Variants in LRMDA observed in about 807,000 individuals in gnomAD.
LRMDA encodes leucine-rich melanocyte differentiation-associated protein.
Under a neutral mutation model 29.8 loss-of-function variants are expected in LRMDA, and 18 were observed. The observed-to-expected ratio is 0.60, with a 90% CI of 0.42 to 0.90. LRMDA has a LOEUF of 0.90. Among genes scored for constraint, LRMDA ranks in the 40% least tolerant of loss-of-function variants. LRMDA has a pLI of 0.00. For missense variants in LRMDA, 273 were observed against 273.9 expected (o/e 1.00, Z 0.02); for synonymous variants, 125 against 109.4 (o/e 1.14, Z -0.89).
At chr10:75,945,355 A>G (rs2132413900) in intron 2 of LRMDA, among the ~76,000 whole-genome samples, 1 of 152,278 alleles carries the variant, frequency 6.6e-6, no homozygotes, top group South Asian at 2.1e-4. Flanking sequence ...GATTTTGCAG[A>G]CTTTGTAGCC....
At chr10:76,075,574 A>G (rs1848943620) in intron 5 of LRMDA, among the ~76,000 whole-genome samples, 1 of 152,240 alleles carries the variant, frequency 6.6e-6, no homozygotes, top group Non-Finnish European at 1.5e-5. Flanking sequence ...AAGTCAGTGT[A>G]TTTGGTAAAC....
chr10:75,892,737 T>G (rs753849051), intron 2 of LRMDA, among the ~76,000 whole-genome samples: 2 of 152,140 alleles, frequency 1.3e-5, no homozygotes, highest in Non-Finnish European at 2.9e-5. Context: ...TCAGACAAAT[T>G]CCATGTCCCT....
intron 1 of LRMDA, among the ~76,000 whole-genome samples, chr10:75,434,182 T>C (rs1217268891): frequency 6.6e-6 from 1 of 152,220 alleles, no homozygotes; most frequent in African/African-American, 2.4e-5. Context: ...ACTGAAATCT[T>C]GCGCCCAAGA....
intron 2 of LRMDA, among the ~76,000 whole-genome samples, chr10:76,012,311 T>A (rs919395753): frequency 6.6e-6 from 1 of 152,170 alleles, no homozygotes; most frequent in African/African-American, 2.4e-5. Flanking sequence ...GAAGCCCATG[T>A]CAGGGCTATA....
intron 2 of LRMDA, among the ~76,000 whole-genome samples, chr10:76,032,450 A>T (rs1453510325): frequency 2.6e-5 from 4 of 152,218 alleles, no homozygotes; most frequent in Non-Finnish European, 5.9e-5. Flanking sequence ...CTTAACGAGG[A>T]TAGGGTTAAT....
At chr10:76,505,131 C>A (rs1842946263) in intron 6 of LRMDA, among the ~76,000 whole-genome samples, 2 of 151,286 alleles carry the variant, frequency 1.3e-5, no homozygotes, top group Admixed American at 6.6e-5. Flanking sequence ...TGGAAACAGG[C>A]TCCCTATGTC....
At chr10:75,682,461 C>T (rs1842034751) in intron 2 of LRMDA, among the ~76,000 whole-genome samples, 1 of 151,762 alleles carries the variant, frequency 6.6e-6, no homozygotes, top group Admixed American at 6.6e-5. Flanking sequence ...GACAGACACA[C>T]ACACACACTC....
chr10:76,340,065 T>C (rs117470290), intron 6 of LRMDA, among the ~76,000 whole-genome samples: 1,775 of 152,286 alleles, frequency 0.012, 27 homozygotes, highest in Non-Finnish European at 0.014. Context: ...ACAATAAGAC[T>C]TAGTAATGCA....
chr10:75,963,518 C>G (rs1447674590), intron 2 of LRMDA, among the ~76,000 whole-genome samples: 1 of 152,130 alleles, frequency 6.6e-6, no homozygotes, highest in African/African-American at 2.4e-5. Flanking sequence ...ACCAGGGGTC[C>G]TTGTTGTCAT....
At chr10:76,390,431 C>G (rs1037870906) in intron 6 of LRMDA, among the ~76,000 whole-genome samples, 1 of 148,236 alleles carries the variant, frequency 6.7e-6, no homozygotes, top group African/African-American at 2.5e-5. Flanking sequence ...TTCCATGATG[C>G]AACTAATGAA....
At chr10:76,362,558 T>C (rs897462933) in intron 6 of LRMDA, among the ~76,000 whole-genome samples, 1 of 152,222 alleles carries the variant, frequency 6.6e-6, no homozygotes, top group African/African-American at 2.4e-5. Flanking sequence ...TAATCTTTTT[T>C]ATTTATTTAT....
At chr10:75,557,033 G>A (rs1239373292) in intron 2 of LRMDA, among the ~76,000 whole-genome samples, 5 of 152,046 alleles carry the variant, frequency 3.3e-5, no homozygotes, top group African/African-American at 9.7e-5. Context: ...GTAAAATGGG[G>A]CCAGGCATGG....
intron 5 of LRMDA, among the ~76,000 whole-genome samples, chr10:76,136,709 T>C (rs1329007087): frequency 6.6e-6 from 1 of 152,214 alleles, no homozygotes; most frequent in African/African-American, 2.4e-5. Flanking sequence ...TTGTATAAAA[T>C]AGATGAGCAC....
intron 6 of LRMDA, among the ~76,000 whole-genome samples, chr10:76,555,724 A>C (rs571712330): frequency 6.6e-6 from 1 of 150,896 alleles, no homozygotes; most frequent in East Asian, 2.0e-4. Flanking sequence ...TCTGATGTGA[A>C]GAACCTGGTT....
chr10:76,456,382 C>G (rs1243012285), intron 6 of LRMDA, among the ~76,000 whole-genome samples: 1 of 152,158 alleles, frequency 6.6e-6, no homozygotes, highest in East Asian at 1.9e-4. Flanking sequence ...AGTGGGAGGG[C>G]AGGCCCTGAG....
intron 5 of LRMDA, among the ~76,000 whole-genome samples, chr10:76,217,729 T>G (rs1285312698): frequency 6.6e-6 from 1 of 152,222 alleles, no homozygotes; most frequent in Non-Finnish European, 1.5e-5. Flanking sequence ...TTTTGAACAG[T>G]TTCTCCCTCA....
chr10:76,553,246 C>T (rs1368358962), intron 6 of LRMDA, among the ~76,000 whole-genome samples: 2 of 152,190 alleles, frequency 1.3e-5, no homozygotes, highest in East Asian at 3.8e-4. Flanking sequence ...CTTACTATGG[C>T]CAAAGCCAGA....
chr10:76,255,778 G>T (rs975185909), intron 5 of LRMDA, among the ~76,000 whole-genome samples: 1 of 152,152 alleles, frequency 6.6e-6, no homozygotes, highest in African/African-American at 2.4e-5. Context: ...GCTCACAAAA[G>T]AATTGATTAG....
intron 5 of LRMDA, among the ~76,000 whole-genome samples, chr10:76,125,852 C>T (rs1849872495): frequency 6.6e-6 from 1 of 152,232 alleles, no homozygotes; most frequent in African/African-American, 2.4e-5. Context: ...TTTTGTCTGT[C>T]CTACTCCTGT....
Sources: allele counts gnomAD v4.1 joint callset (sites outside exome capture counted in the v4.1 genomes callset), GRCh38; gene constraint gnomAD v4.1.1; transcripts MANE v1.5; gene names NCBI Gene and HGNC (gene_info 2026-07-23, HGNC 2026-07-21).